KANK4: variants seen among roughly 807,000 people sequenced by gnomAD.
KANK4 encodes the protein KN motif and ankyrin repeat domains 4.
KANK4 carries 50 observed loss-of-function variants against 80.8 expected under a neutral mutation model. That is an observed-to-expected ratio of 0.62 (90% CI 0.49 to 0.78). KANK4 has a LOEUF of 0.78. Ranked by LOEUF, KANK4 falls within the 30% of genes least tolerant of loss-of-function variation. The pLI is 0.00. For synonymous variants in KANK4, 465 were observed against 506.9 expected (o/e 0.92, Z 1.11); for missense variants, 1,196 against 1,240.1 (o/e 0.96, Z 0.53).
chr1:62,257,740 C>A (rs1002549109), intron 7 of KANK4, among the ~76,000 whole-genome samples: 1 of 152,190 alleles, frequency 6.6e-6, no homozygotes, highest in African/African-American at 2.4e-5. Flanking sequence ...ACTCTCTCAA[C>A]CCATTCTCCC....
intron 1 of KANK4, among the ~76,000 whole-genome samples, chr1:62,299,677 C>T (rs1324502592): frequency 6.6e-6 from 1 of 152,118 alleles, no homozygotes; most frequent in African/African-American, 2.4e-5. Context: ...GTGCTTAGTA[C>T]AATGCTGACC....
intron 1 of KANK4, among the ~76,000 whole-genome samples, chr1:62,284,961 TG>T (rs994725170): frequency 5.9e-5 from 9 of 152,150 alleles, no homozygotes; most frequent in Non-Finnish European, 1.2e-4. Context: ...GGAACAAAAT[TG>T]TCTGTCTTCA....
At chr1:62,293,730 G>A (rs80156143) in intron 1 of KANK4, among the ~76,000 whole-genome samples, 7,005 of 152,252 alleles carry the variant, frequency 0.046, 234 homozygotes, top group East Asian at 0.14. Flanking sequence ...CCTAAGAGGT[G>A]GAATTCCAAT....
intron 1 of KANK4, among the ~76,000 whole-genome samples, chr1:62,300,007 C>G (rs1644398604): frequency 1.3e-5 from 2 of 152,120 alleles, no homozygotes; most frequent in African/African-American, 4.8e-5. Context: ...CACTTGTGCT[C>G]TGGAACACAA....
At chr1:62,301,012 G>A (rs1017446947) in intron 1 of KANK4, among the ~76,000 whole-genome samples, 7 of 151,860 alleles carry the variant, frequency 4.6e-5, no homozygotes, top group Non-Finnish European at 7.4e-5. Flanking sequence ...ATTACATAAC[G>A]TCTTACATGG....
Position 62,282,062 on chromosome 1 carries a change from C to T in KANK4, c.-70-428G>A, listed in dbSNP as rs144360769. 6.1e-3 allele frequency among the ~76,000 whole-genome samples: 931 copies of T among 152,090 alleles called. 6 individuals are homozygous for T. Among genetic ancestry groups the T allele is most frequent in the African/African-American group, 0.021 (862 of 41,480 alleles). On this transcript the variant is annotated intron_variant, in intron 1 of 9. Coordinates refer to ENST00000371153, the MANE Select transcript of KANK4 (RefSeq NM_181712.5). ...GGGAAGGGACTTATAATCCACTTTGCGAAAAAGCTGGAATCAGAGTACCTA... is the reference window on the plus strand; with the variant it reads ...GGGAAGGGACTTATAATCCACTTTGTGAAAAAGCTGGAATCAGAGTACCTA...
intron 1 of KANK4, among the ~76,000 whole-genome samples, 172 bp downstream of exon 1, chr1:62,318,934 A>G (rs989272618): frequency 2.0e-5 from 3 of 152,298 alleles, no homozygotes; most frequent in South Asian, 2.1e-4. Context: ...AAGCTGCCGC[A>G]GCCACTGCTT....
chr1:62,263,943 A>G (rs541323069), intron 6 of KANK4, among the ~76,000 whole-genome samples: 1 of 152,340 alleles, frequency 6.6e-6, no homozygotes, highest in East Asian at 1.9e-4. Flanking sequence ...TGGGACCATG[A>G]ACGAGAAGAG....
intron 1 of KANK4, among the ~76,000 whole-genome samples, chr1:62,297,009 G>A (rs377727016): frequency 6.6e-6 from 1 of 151,766 alleles, no homozygotes; most frequent in Non-Finnish European, 1.5e-5. Context: ...CTGAGTTCAG[G>A]AGTTTGAGAC....
chr1:62,309,982 G>A (rs553682715), intron 1 of KANK4, among the ~76,000 whole-genome samples: 1 of 152,194 alleles, frequency 6.6e-6, no homozygotes, highest in Admixed American at 6.5e-5. Context: ...TTCAGCAGTC[G>A]GCAAAGCCAA....
intron 3 of KANK4, 35 bp from the exon 4 acceptor site, chr1:62,271,624 T>G: frequency 6.7e-7 from 1 of 1,489,446 alleles, no homozygotes; most frequent in East Asian, 2.3e-5. Context: ...TAGAATGATC[T>G]TGGGGATGCA....
chr1:62,292,292 C>T (rs781681555), intron 1 of KANK4, among the ~76,000 whole-genome samples: 1 of 152,042 alleles, frequency 6.6e-6, no homozygotes, highest in Non-Finnish European at 1.5e-5. Context: ...TACAAGGGCC[C>T]ATTCTGTGTT....
chr1:62,300,648 T>C (rs1465273152), intron 1 of KANK4, among the ~76,000 whole-genome samples: 1 of 152,050 alleles, frequency 6.6e-6, no homozygotes, highest in Non-Finnish European at 1.5e-5. Context: ...GGGAAGCGGA[T>C]GGCGGAAGAC....
At chr1:62,256,536 T>C (rs566119096) in intron 7 of KANK4, among the ~76,000 whole-genome samples, 37 of 152,184 alleles carry the variant, frequency 2.4e-4, no homozygotes, top group Admixed American at 7.8e-4. Context: ...GCATGAGCCA[T>C]CACGCCCCAC....
At chr1:62,281,249 G>A (rs755335358) in intron 2 of KANK4, among the ~76,000 whole-genome samples, 1 of 152,178 alleles carries the variant, frequency 6.6e-6, no homozygotes, top group Non-Finnish European at 1.5e-5. Context: ...TGACTAAATT[G>A]TTGGGCTGTT....
intron 1 of KANK4, among the ~76,000 whole-genome samples, chr1:62,293,684 T>C (rs1488131208): frequency 6.6e-6 from 1 of 152,234 alleles, no homozygotes; most frequent in Non-Finnish European, 1.5e-5. Context: ...CATCCATCAC[T>C]AAACAATACA....
Position 62,238,363 on chromosome 1 carries a change from A to G in KANK4, c.2902T>C (p.Ser968Pro). Residue 968 changes from serine to proline, a missense_variant, in exon 10 of 10, where the codon TCC (serine) becomes CCC (proline). Ser to Pro is a moderately conservative substitution (Grantham distance 74, BLOSUM62 -1). This residue lies in a region of KANK4 where 1,154 missense variants were observed against 1,179.6 expected (regional missense o/e 0.98). Transcript: ENST00000371153. ...TGGGTGGGTGACTTCAGAGCGATGG[A>G]CAAAGCTGTGCGGCCAGCCTACAGG... ...LTDKAGRTAL[S>P]IALKSPTHME... 6.2e-7 allele frequency: 1 copy of G among 1,614,034 alleles called. No homozygotes were observed. Among genetic ancestry groups the G allele is most frequent in the Non-Finnish European group, 8.5e-7 (1 of 1,180,010 alleles).
intron 1 of KANK4, among the ~76,000 whole-genome samples, chr1:62,306,983 A>T (rs1431510235): frequency 6.6e-6 from 1 of 152,206 alleles, no homozygotes; most frequent in Non-Finnish European, 1.5e-5. Context: ...CTTACAATAC[A>T]ATAAATATTG....
At chr1:62,270,737 T>A (rs949422488) in intron 4 of KANK4, among the ~76,000 whole-genome samples, 1 of 152,138 alleles carries the variant, frequency 6.6e-6, no homozygotes, top group Non-Finnish European at 1.5e-5. Context: ...TCTTCCCTTC[T>A]GGTGTGACTC....
Sources: allele counts gnomAD v4.1 joint callset (sites outside exome capture counted in the v4.1 genomes callset), GRCh38; gene constraint gnomAD v4.1.1; regional missense constraint gnomAD v4.1.1; transcripts MANE v1.5; gene names NCBI Gene and HGNC (gene_info 2026-07-23, HGNC 2026-07-21).